The following OGG1 variants were observed in gnomAD, a reference collection of about 807,000 sequenced individuals.
OGG1 encodes 8-oxoguanine DNA glycosylase.
OGG1 carries 35 observed loss-of-function variants against 42.3 expected under a neutral mutation model. That is an observed-to-expected ratio of 0.83 (90% CI 0.63 to 1.10). The LOEUF (loss-of-function observed/expected upper bound fraction) is 1.10, where lower values mean the gene tolerates loss of function less well. OGG1 is among the 50% of genes least tolerant of loss of function. The probability of loss-of-function intolerance (pLI) is 0.00; values close to 1 mark genes in which losing one functional copy is unlikely to be tolerated. For missense variants in OGG1, 484 were observed against 446.7 expected, an observed-to-expected ratio of 1.08 and a Z score of -0.75; for synonymous variants, 189 against 179.0, an observed-to-expected ratio of 1.06 and a Z score of -0.44.
exon 8 of OGG1, chr3:9,766,235 A>T: frequency 1.4e-6 from 1 of 718,032 alleles, no homozygotes; most frequent in Non-Finnish European, 2.5e-6. Flanking sequence ...TGAAATTAAC[A>T]CAAAGGAAGT....
At chr3:9,773,913 C>T (rs183053493) in intron 2 of OGG1, among the ~76,000 whole-genome samples, 1 of 150,986 alleles carries the variant, frequency 6.6e-6, no homozygotes, top group Non-Finnish European at 1.5e-5. Flanking sequence ...CCCTCTGTTG[C>T]CCAGACTTCT....
At chr3:9,751,625 C>A in intron 2 of OGG1, 145 bp from the exon 3 acceptor site, 1 of 798,434 alleles carries the variant, frequency 1.3e-6, no homozygotes, top group Non-Finnish European at 2.2e-6. Flanking sequence ...AATGAGAGGT[C>A]TGGTGTTGCT....
At chr3:9,773,876 A>T (rs904576579) in intron 2 of OGG1, among the ~76,000 whole-genome samples, 1 of 151,244 alleles carries the variant, frequency 6.6e-6, no homozygotes, top group Non-Finnish European at 1.5e-5. Flanking sequence ...TTAGTTTTTT[A>T]TTTTTTGTAG....
chr3:9,762,796 G>A, intron 7 of OGG1: 1 of 967,304 alleles, frequency 1.0e-6, no homozygotes, highest in South Asian at 1.5e-5. Context: ...GATCCACTTT[G>A]TAGATGGAAA....
chr3:9,761,439 A>G, downstream of OGG1: 1 of 1,600,252 alleles, frequency 6.2e-7, no homozygotes, highest in African/African-American at 1.3e-5. Flanking sequence ...GCCACAGCCT[A>G]CCATGGCCAA....
At chr3:9,770,406 G>C (rs988822792), downstream of OGG1, among the ~76,000 whole-genome samples, 5 of 152,110 alleles carry the variant, frequency 3.3e-5, no homozygotes, top group Non-Finnish European at 5.9e-5. Context: ...GTGAGGGAGT[G>C]GGGAAGGACC....
Position 9,750,977 on chromosome 3 carries a change from G to T in OGG1, c.170G>T (p.Gly57Val), listed in dbSNP as rs758438727. The change falls in exon 2 of 7, where the codon GGT becomes GTT. Residue 57 changes from glycine (G) to valine (V), a missense_variant. By Grantham distance (109) the Gly-to-Val change is moderately radical. Transcript: ENST00000344629. The stretch of plus-strand genomic sequence containing the variant: ...GAGCAAAGTCCTGCACACTGGAGTG[G>T]TGTACTAGCGGATCAAGTATGGACA... ...WREQSPAHWS[G>V]VLADQVWTLT... 3 of 1,614,114 alleles carry T rather than the reference G, an allele frequency of 1.9e-6. No homozygotes were observed. The highest frequency in any genetic ancestry group is 2.5e-6 in the Non-Finnish European group (3 of 1,179,996).
At chr3:9,763,064 G>T (rs755253240) in intron 7 of OGG1, 1 of 1,614,172 alleles carries the variant, frequency 6.2e-7, no homozygotes, top group Non-Finnish European at 8.5e-7. Context: ...TGCAGCAGGG[G>T]ATAGGGCAGT....
chr3:9,766,149 G>A (rs2078143853), exon 8 of OGG1: 1 of 1,008,618 alleles, frequency 9.9e-7, no homozygotes, highest in Admixed American at 2.0e-5. Context: ...TGAGTCTCCT[G>A]TTGAGCTGGT....
chr3:9,784,989 T>A (rs534943625), intron 3 of OGG1, among the ~76,000 whole-genome samples: 1 of 152,350 alleles, frequency 6.6e-6, no homozygotes, highest in African/African-American at 2.4e-5. Flanking sequence ...TCTTTTCATG[T>A]CATTTAACTA....
downstream of OGG1, chr3:9,761,964 T>G (rs934347724): frequency 1.3e-5 from 8 of 622,318 alleles, no homozygotes; most frequent in African/African-American, 1.5e-4. Context: ...GGGGGAACTG[T>G]CTCTAAACCT....
chr3:9,751,202 G>T lies in OGG1; in HGVS notation c.385+10G>T, dbSNP rs780264038. 3.1e-6 allele frequency: 5 copies of T among 1,613,438 alleles called. No individual in the cohort carries two copies. In the Admixed American group the frequency reaches 8.3e-5, roughly 27 times the overall value. ...GCTCAGAAATTCCAAGGTGAGTACA[G>T]GACCTGGGCTGGGGTTAGGGTTCTT... is the stretch of plus-strand genomic sequence containing the variant. On this transcript the variant is annotated intron_variant, in intron 2 of 6. Transcript: ENST00000344629.
chr3:9,776,480 C>T (rs1488405319), intron 2 of OGG1, among the ~76,000 whole-genome samples: 1 of 150,536 alleles, frequency 6.6e-6, no homozygotes, highest in Non-Finnish European at 1.5e-5. Context: ...AGCTCCGCCT[C>T]CCGGGTTCAC....
At chr3:9,753,703 T>C (rs1006663069) in intron 3 of OGG1, among the ~76,000 whole-genome samples, 10 of 151,786 alleles carry the variant, frequency 6.6e-5, no homozygotes, top group Non-Finnish European at 1.5e-4. Context: ...CTGGCTTAGT[T>C]AGTCATAAGG....
At chr3:9,757,882 G>A (rs1327835091), downstream of OGG1, 1 of 1,571,522 alleles carries the variant, frequency 6.4e-7, no homozygotes, top group Non-Finnish European at 8.7e-7. The surrounding 1 kb of genome is among the most constrained non-coding windows in gnomAD (Gnocchi z 4.5). Flanking sequence ...AGGGGAGAAA[G>A]GACTTTTGAG....
downstream of OGG1, chr3:9,758,968 T>G: frequency 1.9e-6 from 1 of 539,986 alleles, no homozygotes. Flanking sequence ...TTGCCTAAGA[T>G]TCTTCTGGGG....
intron 2 of OGG1, chr3:9,780,318 C>A: frequency 6.3e-7 from 1 of 1,582,604 alleles, no homozygotes; most frequent in Non-Finnish European, 8.6e-7. Flanking sequence ...CCCTTCCCCT[C>A]CCCTAGGCCA....
At chr3:9,752,285 T>C (rs1224803319) in intron 3 of OGG1, among the ~76,000 whole-genome samples, 2 of 152,142 alleles carry the variant, frequency 1.3e-5, no homozygotes, top group Non-Finnish European at 1.5e-5. Flanking sequence ...GCACATTATT[T>C]AGCATCTCTG....
downstream of OGG1, chr3:9,789,826 GC>G (rs766029276): frequency 2.5e-6 from 4 of 1,614,226 alleles, no homozygotes; most frequent in Non-Finnish European, 2.5e-6. Flanking sequence ...CTGGGCCAGG[GC>G]CCGGCCCATG....
Sources: gnomAD v4.1 joint callset for allele counts (sites outside exome capture counted in the v4.1 genomes callset) on GRCh38, gnomAD v4.1.1 for gene constraint, Gnocchi (gnomAD v3.1) non-coding constraint, MANE v1.5 for transcripts, NCBI Gene and HGNC (gene_info 2026-07-23, HGNC 2026-07-21) for gene names.